The following DCDC2 variants were observed in gnomAD, a reference collection of about 807,000 sequenced individuals.
The protein encoded by DCDC2 is doublecortin domain-containing protein 2.
Under a neutral mutation model 50.2 loss-of-function variants are expected in DCDC2, and 40 were observed. That is an observed-to-expected ratio of 0.80 (90% CI 0.62 to 1.04). The LOEUF (loss-of-function observed/expected upper bound fraction) is 1.04. Ranked by LOEUF, DCDC2 falls within the 50% of genes least tolerant of loss-of-function variation. The pLI, the probability that DCDC2 is intolerant of heterozygous loss-of-function variation, is 0.00. For missense variants in DCDC2, 570 were observed against 581.9 expected (o/e 0.98, Z 0.21); for synonymous variants, 234 against 210.6 (o/e 1.11, Z -0.96).
At chr6:24,262,519 C>T (rs1022236557) in intron 7 of DCDC2, among the ~76,000 whole-genome samples, 1 of 152,154 alleles carries the variant, frequency 6.6e-6, no homozygotes, top group African/African-American at 2.4e-5. Flanking sequence ...TAGTGAGACA[C>T]CAGCCAGGGT....
chr6:24,348,633 A>G (rs1760310135), intron 2 of DCDC2, among the ~76,000 whole-genome samples: 1 of 152,194 alleles, frequency 6.6e-6, no homozygotes, highest in Admixed American at 6.5e-5. Context: ...TACCCTCTTA[A>G]TCAAGTTGTA....
At chr6:24,306,381 C>G (rs1224225549) in intron 2 of DCDC2, among the ~76,000 whole-genome samples, 1 of 151,972 alleles carries the variant, frequency 6.6e-6, no homozygotes, top group Non-Finnish European at 1.5e-5. Flanking sequence ...CTTGAAAAAC[C>G]AAATTTATTT....
intron 7 of DCDC2, among the ~76,000 whole-genome samples, chr6:24,236,566 G>A (rs887859892): frequency 6.6e-5 from 10 of 152,104 alleles, no homozygotes; most frequent in African/African-American, 2.4e-4. Flanking sequence ...AAACTAAAGA[G>A]CTTCTGCACA....
intron 2 of DCDC2, among the ~76,000 whole-genome samples, chr6:24,323,695 A>C (rs1267823104): frequency 6.6e-6 from 1 of 152,236 alleles, no homozygotes; most frequent in Non-Finnish European, 1.5e-5. Flanking sequence ...ATCAAGCACA[A>C]GTATGTACTT....
intron 2 of DCDC2, among the ~76,000 whole-genome samples, chr6:24,336,958 A>G (rs1458379578): frequency 2.6e-5 from 4 of 152,340 alleles, no homozygotes; most frequent in Non-Finnish European, 5.9e-5. Context: ...CACATTTTAG[A>G]TAAGGAACAT....
chr6:24,275,866 ATT>A (rs10685261), intron 7 of DCDC2, among the ~76,000 whole-genome samples: 13 of 108,108 alleles, frequency 1.2e-4, no homozygotes, highest in African/African-American at 2.4e-4. Flanking sequence ...CAATAATTCA[ATT>A]TTTTTTTTTT....
At chr6:24,280,870 G>A (rs1408748463) in intron 6 of DCDC2, among the ~76,000 whole-genome samples, 3 of 152,122 alleles carry the variant, frequency 2.0e-5, no homozygotes, top group Admixed American at 1.3e-4. Context: ...CTTTAGATGA[G>A]AAGATCAACC....
At chr6:24,218,867 A>G (rs1394540460) in intron 7 of DCDC2, among the ~76,000 whole-genome samples, 1 of 152,224 alleles carries the variant, frequency 6.6e-6, no homozygotes, top group Non-Finnish European at 1.5e-5. Context: ...ATTTTAACCT[A>G]TGATTGGGGT....
the DCDC2 span, among the ~76,000 whole-genome samples, chr6:24,382,018 A>AGGCAGGCAGGCAGGC: frequency 1.3e-5 from 2 of 151,056 alleles, no homozygotes; most frequent in East Asian, 1.9e-4. Flanking sequence ...GAAGGCAGGC[A>AGGCAGGCAGGCAGGC]AGCTATTTAA....
intron 8 of DCDC2, 44 bp from the exon 9 acceptor site, chr6:24,178,676 C>G (rs756608893): frequency 6.5e-7 from 1 of 1,547,146 alleles, no homozygotes; most frequent in South Asian, 1.2e-5. Context: ...AGAAGCATAA[C>G]AGAACATTTC....
chr6:24,359,232 TTA>T (rs370434868), upstream of DCDC2, among the ~76,000 whole-genome samples: 8 of 32,918 alleles, frequency 2.4e-4, no homozygotes, highest in Non-Finnish European at 3.2e-4. Context: ...TTTATATATT[TTA>T]TATATTTTAT....
chr6:24,176,052 A>T (rs1203642300), intron 9 of DCDC2, among the ~76,000 whole-genome samples: 2 of 151,982 alleles, frequency 1.3e-5, no homozygotes, highest in East Asian at 3.9e-4. Context: ...CATCACTTTG[A>T]GAGGTCAAGG....
At chr6:24,317,573 T>C (rs1386010017) in intron 2 of DCDC2, among the ~76,000 whole-genome samples, 1 of 152,042 alleles carries the variant, frequency 6.6e-6, no homozygotes, top group African/African-American at 2.4e-5. Context: ...AATTCCTCTT[T>C]AGCCTTGGTA....
At chr6:24,339,983 C>T (rs576749128) in intron 2 of DCDC2, among the ~76,000 whole-genome samples, 14 of 152,154 alleles carry the variant, frequency 9.2e-5, no homozygotes, top group African/African-American at 1.9e-4. Context: ...ATTGGTGAAG[C>T]GGTGGAGAGG....
At chr6:24,311,704 C>T (rs530555060) in intron 2 of DCDC2, among the ~76,000 whole-genome samples, 1 of 152,340 alleles carries the variant, frequency 6.6e-6, no homozygotes, top group South Asian at 2.1e-4. Context: ...CCCCATCTCT[C>T]AAGGTCATGC....
rs1554146303 is a variant in DCDC2 at position 24,220,870 on chromosome 6, A to AGAGCGAGAGAGAC, written c.923-15769_923-15768insGTCTCTCTCGCTC. ...TGGCGGCAGGAGAGAGACAGAGAGCAAGAGAGCGAGAGCGAGAGAGTGAGC... is the reference window on the plus strand; with the variant it reads ...TGGCGGCAGGAGAGAGACAGAGAGCAGAGCGAGAGAGACAGAGAGCGAGAGCGAGAGAGTGAGC... On this transcript the variant is annotated intron_variant, in intron 7 of 9. Coordinates refer to ENST00000378454, the MANE Select transcript of DCDC2 (RefSeq NM_016356.5). 6.6e-4 allele frequency among the ~76,000 whole-genome samples: 84 copies of AGAGCGAGAGAGAC among 127,190 alleles called. 1 individual carries two copies. Among genetic ancestry groups the AGAGCGAGAGAGAC allele is most frequent in the Non-Finnish European group, 1.0e-3 (63 of 63,056 alleles). The allele number at this position is 127,190 out of a possible 152,430, so 83.4% of individuals were successfully genotyped here.
rs374842561 is a variant in DCDC2 at position 24,301,231 on chromosome 6, C to T, written c.557+484G>A. 7.9e-5 allele frequency among the ~76,000 whole-genome samples: 12 copies of T among 151,734 alleles called. No homozygotes were observed. In the East Asian group the frequency reaches 1.6e-3, roughly 20 times the overall value. ...CTAAAAATACAAAAAATTAGCCGGG[C>T]GTGGTGGTGGGCGCCTGTGGTCCCA... On this transcript the variant is annotated intron_variant, in intron 4 of 9. Coordinates refer to ENST00000378454, the MANE Select transcript of DCDC2 (RefSeq NM_016356.5).
intron 2 of DCDC2, among the ~76,000 whole-genome samples, chr6:24,328,833 G>T (rs181586188): frequency 6.6e-6 from 1 of 152,074 alleles, no homozygotes; most frequent in African/African-American, 2.4e-5. Context: ...GCATATCTAC[G>T]CTTGCTGGAC....
At chr6:24,376,510 G>A in the DCDC2 span, among the ~76,000 whole-genome samples, 1 of 152,290 alleles carries the variant, frequency 6.6e-6, no homozygotes, top group Non-Finnish European at 1.5e-5. Context: ...GGGTGCTAGA[G>A]TGGAGAATGA....
Sources: allele counts gnomAD v4.1 joint callset (sites outside exome capture counted in the v4.1 genomes callset), GRCh38; gene constraint gnomAD v4.1.1; transcripts MANE v1.5; gene names NCBI Gene and HGNC (gene_info 2026-07-23, HGNC 2026-07-21).